The following DICER1 variants were observed in gnomAD, a reference collection of about 807,000 sequenced individuals.
DICER1 encodes the protein endoribonuclease Dicer.
Under a neutral mutation model 194.1 loss-of-function variants are expected in DICER1, and 43 were observed. The ratio of observed to expected loss-of-function variants is 0.22; its 90% CI spans 0.17 to 0.29. The LOEUF is 0.29. DICER1 is among the 10% of genes least tolerant of loss of function. DICER1 has a pLI of 1.00. For missense variants in DICER1, 1,608 were observed against 2,317.0 expected (o/e 0.69, Z 6.28); for synonymous variants, 832 against 820.5 (o/e 1.01, Z -0.24).
chr14:95,146,183 C>G (rs191721504), intron 1 of DICER1, among the ~76,000 whole-genome samples: 1 of 152,184 alleles, frequency 6.6e-6, no homozygotes, highest in Non-Finnish European at 1.5e-5. Context: ...GCCTGAAGGT[C>G]GAGATACACA....
At chr14:95,115,055 G>A (rs181201650) in intron 11 of DICER1, among the ~76,000 whole-genome samples, 3 of 152,284 alleles carry the variant, frequency 2.0e-5, no homozygotes, top group Non-Finnish European at 4.4e-5. Flanking sequence ...GAAACTGAAT[G>A]AGTCTCTCTT....
intron 14 of DICER1, 109 bp from the exon 15 acceptor site, chr14:95,108,612 TAAGC>T: frequency 4.8e-6 from 5 of 1,035,618 alleles, no homozygotes; most frequent in Non-Finnish European, 7.5e-6. Flanking sequence ...CTGATGAGAA[TAAGC>T]TAAGAAAATA....
At chr14:95,100,373 A>T (rs1890768813) in intron 21 of DICER1, among the ~76,000 whole-genome samples, 1 of 152,234 alleles carries the variant, frequency 6.6e-6, no homozygotes, top group Non-Finnish European at 1.5e-5. Context: ...GGATGCCATC[A>T]GCTCTAGCTG....
intron 1 of DICER1, among the ~76,000 whole-genome samples, chr14:95,150,552 A>C (rs1446009546): frequency 6.6e-6 from 1 of 152,224 alleles, no homozygotes; most frequent in Non-Finnish European, 1.5e-5. Context: ...ACTGAATGTC[A>C]ACTAATAAAT....
Position 95,086,711 on chromosome 14 carries a change from T to C in DICER1, c.*3787A>G, listed in dbSNP as rs1414278723. On this transcript the variant is annotated 3_prime_UTR_variant, in exon 27 of 27. Transcript: ENST00000343455. ...AATGCAAATTTCCTAGATATTGCTA[T>C]TGGCGTCTCCAACAACTTTAAAAAT... The C allele has an allele frequency of 1.7e-5, 4 of 233,082 alleles. No individual in the cohort carries two copies. The East Asian group carries it at 1.8e-4, about 11-fold the overall frequency. 14.4% of individuals were successfully genotyped at this position (233,082 alleles called of 1,614,324 possible).
At chr14:95,125,032 AG>A (rs1457461223) in intron 7 of DICER1, among the ~76,000 whole-genome samples, 1 of 152,228 alleles carries the variant, frequency 6.6e-6, no homozygotes, top group African/African-American at 2.4e-5. Context: ...TTAGGCATCA[AG>A]GAAGAGCAAT....
chr14:95,088,080 C>T lies in DICER1; in HGVS notation c.*2418G>A, dbSNP rs183501373. On this transcript the variant is annotated 3_prime_UTR_variant, in exon 27 of 27. Transcript: ENST00000343455. ...TTTTAACTCAGTAACCAGGGGATCACAGAATGCTTCAAACTGTGAGTCAAA... is the reference window on the plus strand; with the variant it reads ...TTTTAACTCAGTAACCAGGGGATCATAGAATGCTTCAAACTGTGAGTCAAA... 11 of 233,016 alleles carry T rather than the reference C, an allele frequency of 4.7e-5. No individual in the cohort carries two copies. Among genetic ancestry groups the T allele is most frequent in the African/African-American group, 2.2e-4 (10 of 45,416 alleles). The allele number at this position is 233,016 out of a possible 1,614,324, so 14.4% of individuals were successfully genotyped here. A position where few individuals can be genotyped will look rare whatever the true frequency, so the allele number is the denominator to read the frequency against.
chr14:95,135,661 G>A (rs1303084563), intron 1 of DICER1, among the ~76,000 whole-genome samples: 5 of 152,222 alleles, frequency 3.3e-5, no homozygotes, highest in Middle Eastern at 6.8e-3. Flanking sequence ...ACATAAAGAT[G>A]GAAATAACAG....
intron 8 of DICER1, among the ~76,000 whole-genome samples, chr14:95,118,001 C>T (rs575326987): frequency 1.3e-5 from 2 of 152,100 alleles, no homozygotes; most frequent in African/African-American, 4.8e-5. Flanking sequence ...GAAATGGTCA[C>T]GTTACCTCCA....
intron 6 of DICER1, among the ~76,000 whole-genome samples, chr14:95,128,645 A>G (rs1375049839): frequency 6.6e-6 from 1 of 152,192 alleles, no homozygotes; most frequent in Admixed American, 6.5e-5. Context: ...ACCACTGTCA[A>G]TGCCATTTTA....
At chr14:95,103,200 G>C in intron 21 of DICER1, 146 bp downstream of exon 21, 2 of 884,920 alleles carry the variant, frequency 2.3e-6, no homozygotes, top group Non-Finnish European at 3.7e-6. Flanking sequence ...CGCTGGCCCT[G>C]GTAGAACAAG....
At chr14:95,138,976 TAA>T (rs1187782733) in intron 1 of DICER1, among the ~76,000 whole-genome samples, 5 of 18,722 alleles carry the variant, frequency 2.7e-4, no homozygotes, top group South Asian at 3.3e-3. Flanking sequence ...ATAAAAAAAA[TAA>T]AAATAAATAA....
intron 15 of DICER1, 109 bp from the exon 16 acceptor site, chr14:95,108,202 C>A (rs577575990): frequency 7.8e-7 from 1 of 1,282,246 alleles, no homozygotes; most frequent in Non-Finnish European, 1.1e-6. Flanking sequence ...ATAGAAGAGG[C>A]ACCTCGATCT....
At chr14:95,097,252 T>C (rs912363371) in intron 22 of DICER1, among the ~76,000 whole-genome samples, 1 of 152,192 alleles carries the variant, frequency 6.6e-6, no homozygotes, top group African/African-American at 2.4e-5. Flanking sequence ...ACAATAGGAT[T>C]TTATAATAAA....
intron 6 of DICER1, among the ~76,000 whole-genome samples, chr14:95,127,409 T>TGA: frequency 6.6e-6 from 1 of 152,374 alleles, no homozygotes; most frequent in South Asian, 2.1e-4. Flanking sequence ...GCTTGGGACC[T>TGA]GAACTGTTTT....
intron 14 of DICER1, among the ~76,000 whole-genome samples, chr14:95,110,514 G>A (rs1238154116): frequency 6.6e-6 from 1 of 152,192 alleles, no homozygotes; most frequent in East Asian, 1.9e-4. Context: ...GGCCCTGGCT[G>A]GGAACGATTT....
At chr14:95,144,332 A>C (rs1442778515) in intron 1 of DICER1, among the ~76,000 whole-genome samples, 4 of 151,474 alleles carry the variant, frequency 2.6e-5, no homozygotes, top group Non-Finnish European at 5.9e-5. Flanking sequence ...CTTTGTACCT[A>C]TCTTTCTTTT....
In DICER1 at chr14:95,124,174, A is replaced by T; in HGVS notation, c.1376+22T>A. The T allele has an allele frequency of 3.2e-6, 5 of 1,569,370 alleles. No homozygotes were observed. Among genetic ancestry groups the T allele is most frequent in the Non-Finnish European group, 4.4e-6 (5 of 1,140,888 alleles). On this transcript the variant is annotated intron_variant, in intron 8 of 26. Transcript: ENST00000343455. This position sits in a 1 kb window ranked among gnomAD's most constrained non-coding sequence, Gnocchi z 4.5. Reference sequence around the variant, plus strand: ...GGACGCCTCCCTGTTCTCATGTGAAAGGAGTCAACTTACAGATTTACCTGT... The same window carrying T: ...GGACGCCTCCCTGTTCTCATGTGAATGGAGTCAACTTACAGATTTACCTGT...
At chr14:95,146,422 C>G (rs1336822315) in intron 1 of DICER1, among the ~76,000 whole-genome samples, 1 of 152,152 alleles carries the variant, frequency 6.6e-6, no homozygotes, top group Non-Finnish European at 1.5e-5. Context: ...GCACACACTC[C>G]CCTATTCTGA....
Sources: gnomAD v4.1 joint callset for allele counts (sites outside exome capture counted in the v4.1 genomes callset) on GRCh38, gnomAD v4.1.1 for gene constraint, Gnocchi (gnomAD v3.1) non-coding constraint, MANE v1.5 for transcripts, NCBI Gene and HGNC (gene_info 2026-07-23, HGNC 2026-07-21) for gene names.